HCN1: variants seen among roughly 807,000 people sequenced by gnomAD.
HCN1 encodes the protein potassium/sodium hyperpolarization-activated cyclic nucleotide-gated channel 1.
HCN1 carries 13 observed loss-of-function variants against 78.9 expected under a neutral mutation model. That is an observed-to-expected ratio of 0.16 (90% CI 0.11 to 0.26). HCN1 has a LOEUF of 0.26. HCN1 is among the 10% of genes least tolerant of loss of function. The pLI is 1.00. For synonymous variants in HCN1, 552 were observed against 455.5 expected (o/e 1.21, Z -2.70); for missense variants, 810 against 1,154.3 (o/e 0.70, Z 4.32).
chr5:45,373,356 T>G (rs1747475305), intron 4 of HCN1, among the ~76,000 whole-genome samples: 2 of 120,728 alleles, frequency 1.7e-5, no homozygotes, highest in South Asian at 2.3e-4. Context: ...AATATATATT[T>G]ATAAATATAA....
At chr5:45,621,877 T>C (rs1473471068) in intron 2 of HCN1, among the ~76,000 whole-genome samples, 1 of 152,134 alleles carries the variant, frequency 6.6e-6, no homozygotes, top group African/African-American at 2.4e-5. Context: ...TTGAATAACC[T>C]AAGCAGAAAA....
At chr5:45,407,746 G>A (rs1054281669) in intron 3 of HCN1, among the ~76,000 whole-genome samples, 16 of 152,016 alleles carry the variant, frequency 1.1e-4, no homozygotes, top group Admixed American at 6.6e-5. Context: ...CTGACCTCAG[G>A]TGATCTACCT....
At chr5:45,548,730 T>C in intron 2 of HCN1, among the ~76,000 whole-genome samples, 1 of 152,144 alleles carries the variant, frequency 6.6e-6, no homozygotes, top group Non-Finnish European at 1.5e-5. Context: ...ATGCCATGAT[T>C]GTGTACATAG....
chr5:45,353,328 A>T (rs1746949517), intron 4 of HCN1, 82 bp from the exon 5 acceptor site: 1 of 1,078,424 alleles, frequency 9.3e-7, no homozygotes, highest in South Asian at 1.4e-5. Context: ...TGCTATATTC[A>T]ATAATATTTG....
At chr5:45,300,104 T>A (rs544634798) in intron 6 of HCN1, among the ~76,000 whole-genome samples, 1 of 152,192 alleles carries the variant, frequency 6.6e-6, no homozygotes, top group African/African-American at 2.4e-5. Context: ...CTGTAAGGTA[T>A]TTAAAACCTC....
intron 2 of HCN1, among the ~76,000 whole-genome samples, chr5:45,620,183 T>A (rs1457177574): frequency 6.6e-6 from 1 of 151,998 alleles, no homozygotes; most frequent in Non-Finnish European, 1.5e-5. Flanking sequence ...AAGGAAAGAC[T>A]AAGAAACATC....
intron 3 of HCN1, among the ~76,000 whole-genome samples, chr5:45,423,579 T>C (rs985793067): frequency 2.7e-4 from 41 of 152,324 alleles, no homozygotes; most frequent in African/African-American, 9.9e-4. Context: ...TTCAATCATA[T>C]CCATTCTTGA....
Position 45,499,544 on chromosome 5 carries a change from G to A in HCN1, c.850-37537C>T, listed in dbSNP as rs990010586. Among the ~76,000 whole-genome samples the A allele has an allele frequency of 2.9e-4, 44 of 152,242 alleles. 1 individual carries two copies. The highest frequency in any genetic ancestry group is 9.2e-4 in the African/African-American group (38 of 41,520). The stretch of plus-strand genomic sequence containing the variant: ...TCAGATGGAAATGCAGAAATCACCC[G>A]TCTTCTGCGTCGCTTACGCTGGGAG... On this transcript the variant is annotated intron_variant, in intron 2 of 7. Transcript: ENST00000303230.
intron 2 of HCN1, among the ~76,000 whole-genome samples, chr5:45,508,037 C>T (rs1300161178): frequency 1.3e-5 from 2 of 151,912 alleles, no homozygotes; most frequent in African/African-American, 4.8e-5. Flanking sequence ...CAAATATTGT[C>T]TACAAAAAGG....
At chr5:45,666,618 G>C (rs1264974897) in intron 1 of HCN1, among the ~76,000 whole-genome samples, 1 of 152,022 alleles carries the variant, frequency 6.6e-6, no homozygotes, top group East Asian at 1.9e-4. Flanking sequence ...TATGTATGTG[G>C]ATAATTGTTT....
chr5:45,606,668 A>G (rs1341867720), intron 2 of HCN1, among the ~76,000 whole-genome samples: 1 of 151,976 alleles, frequency 6.6e-6, no homozygotes, highest in Non-Finnish European at 1.5e-5. Context: ...TTGGAAAGAA[A>G]GACTCAATCC....
In HCN1 at chr5:45,259,627, T is replaced by G. The variant is rs1744689716; in HGVS notation, c.*2294A>C. The G allele has an allele frequency of 6.6e-6, 1 of 152,400 alleles. No homozygotes were observed. The highest frequency in any genetic ancestry group is 6.6e-5 in the Admixed American group (1 of 15,254). 9.4% of individuals were successfully genotyped at this position (152,400 alleles called of 1,614,324 possible). The stretch of plus-strand genomic sequence containing the variant: ...TTTAATATATAAACCTTAGTTTTTT[T>G]GTCCATTCTATTACAAAGTGAATAA... On this transcript the variant is annotated 3_prime_UTR_variant, in exon 8 of 8. Coordinates refer to ENST00000303230, the MANE Select transcript of HCN1 (RefSeq NM_021072.4).
At chr5:45,440,466 T>C (rs1740648120) in intron 3 of HCN1, among the ~76,000 whole-genome samples, 1 of 152,206 alleles carries the variant, frequency 6.6e-6, no homozygotes, top group Non-Finnish European at 1.5e-5. Flanking sequence ...CATGCCCCTC[T>C]TGTGACTACC....
intron 2 of HCN1, among the ~76,000 whole-genome samples, chr5:45,497,113 T>C (rs1742053552): frequency 6.6e-6 from 1 of 152,216 alleles, no homozygotes; most frequent in Non-Finnish European, 1.5e-5. Flanking sequence ...AGGAGATCTT[T>C]ACTTCCAAGT....
intron 5 of HCN1, among the ~76,000 whole-genome samples, chr5:45,345,480 T>C (rs1220465275): frequency 1.3e-5 from 2 of 152,214 alleles, no homozygotes; most frequent in Non-Finnish European, 2.9e-5. Context: ...CAAAGTTTTA[T>C]GCTCTGTCAA....
chr5:45,599,646 G>T (rs184832535), intron 2 of HCN1, among the ~76,000 whole-genome samples: 1 of 152,194 alleles, frequency 6.6e-6, no homozygotes, highest in African/African-American at 2.4e-5. Context: ...TAAAAGTTCT[G>T]TCAGTATCTG....
intron 5 of HCN1, among the ~76,000 whole-genome samples, chr5:45,352,584 G>T (rs1020409991): frequency 1.3e-5 from 2 of 151,970 alleles, no homozygotes; most frequent in African/African-American, 4.8e-5. Context: ...TGGTCCAGGA[G>T]TGATCTGAAT....
At chr5:45,569,943 T>C (rs928830042) in intron 2 of HCN1, among the ~76,000 whole-genome samples, 7 of 152,058 alleles carry the variant, frequency 4.6e-5, no homozygotes, top group Admixed American at 6.6e-5. Flanking sequence ...GATATTTAAC[T>C]TGATGGGATA....
chr5:45,378,105 C>T (rs1501362), intron 4 of HCN1, among the ~76,000 whole-genome samples: 52,046 of 151,642 alleles, frequency 0.34, 11,776 homozygotes, highest in African/African-American at 0.63. Context: ...GATAATTAAT[C>T]TGACTATGTT....
Sources: allele counts gnomAD v4.1 joint callset (sites outside exome capture counted in the v4.1 genomes callset), GRCh38; gene constraint gnomAD v4.1.1; transcripts MANE v1.5; gene names NCBI Gene and HGNC (gene_info 2026-07-23, HGNC 2026-07-21).